AAGAB: variants seen among roughly 807,000 people sequenced by gnomAD.
The protein encoded by AAGAB is alpha and gamma adaptin binding protein, also known as alpha- and gamma-adaptin-binding protein p34.
AAGAB carries 38 observed loss-of-function variants against 44.1 expected under a neutral mutation model. The observed-to-expected ratio is 0.86, with a 90% CI of 0.67 to 1.13. The LOEUF (loss-of-function observed/expected upper bound fraction) is 1.13, where lower values mean the gene tolerates loss of function less well. Among genes scored for constraint, AAGAB ranks in the 50% most tolerant of loss-of-function variants. The pLI, the probability that AAGAB is intolerant of heterozygous loss-of-function variation, is 0.00. For synonymous variants in AAGAB, 131 were observed against 131.8 expected (o/e 0.99, Z 0.04); for missense variants, 450 against 373.8 (o/e 1.20, Z -1.68).
At chr15:67,251,960 C>T (rs1249045925) in intron 1 of AAGAB, among the ~76,000 whole-genome samples, 1 of 152,196 alleles carries the variant, frequency 6.6e-6, no homozygotes, top group African/African-American at 2.4e-5. Context: ...TTTCCTTATT[C>T]AAGTAATCTG....
intron 5 of AAGAB, among the ~76,000 whole-genome samples, chr15:67,222,242 G>GCGCGCACACACACACACACACA (rs1367738219): frequency 1.1e-5 from 1 of 90,128 alleles, no homozygotes; most frequent in African/African-American, 3.8e-5. Context: ...GCGCGCGCGC[G>GCGCGCACACACACACACACACA]CACACACACA....
rs542813950 is a variant in AAGAB at position 67,250,424 on chromosome 15, G to A, written c.73+4135C>T. 7.9e-5 allele frequency among the ~76,000 whole-genome samples: 12 copies of A among 152,232 alleles called. No individual in the cohort carries two copies. In the South Asian group the frequency reaches 2.5e-3, roughly 32 times the overall value. ...ACTCCTGACCTCAAGTGATTTGCCT[G>A]CCTTAACCTCCCAAAGTGCTGGGAT... On this transcript the variant is annotated intron_variant, in intron 1 of 9. Transcript: ENST00000261880.
intron 5 of AAGAB, among the ~76,000 whole-genome samples, chr15:67,222,273 CA>C (rs1964097722): frequency 2.6e-5 from 4 of 151,218 alleles, no homozygotes; most frequent in South Asian, 4.2e-4. Context: ...CACACACACA[CA>C]CACACACACC....
chr15:67,220,262 C>T (rs1238704552), intron 5 of AAGAB, among the ~76,000 whole-genome samples: 3 of 152,176 alleles, frequency 2.0e-5, no homozygotes, highest in Non-Finnish European at 2.9e-5. Flanking sequence ...CACACAGTCT[C>T]ATTAAAATCT....
At chr15:67,203,677 G>A (rs1441272814) in intron 8 of AAGAB, 80 bp from the exon 9 acceptor site, 3 of 1,257,788 alleles carry the variant, frequency 2.4e-6, no homozygotes, top group African/African-American at 3.0e-5. Context: ...TAGAAGATGG[G>A]AGACGGGTTT....
intron 5 of AAGAB, among the ~76,000 whole-genome samples, chr15:67,228,176 A>C (rs982746309): frequency 1.3e-5 from 2 of 152,386 alleles, no homozygotes; most frequent in Non-Finnish European, 2.9e-5. Context: ...TAGTTCTTTA[A>C]TATATGAACT....
At chr15:67,212,194 C>T (rs1238862422) in intron 5 of AAGAB, among the ~76,000 whole-genome samples, 1 of 152,128 alleles carries the variant, frequency 6.6e-6, no homozygotes, top group African/African-American at 2.4e-5. Context: ...ATGCTTAATT[C>T]TTTACAGTGG....
At position 67,200,766 on chromosome 15, in the gene AAGAB, G is replaced by T. The variant is rs192133201; in HGVS notation, c.*2055C>A. Among the ~76,000 whole-genome samples, 745 of 152,366 alleles carry T rather than the reference G, an allele frequency of 4.9e-3. 3 individuals carry two copies. Among genetic ancestry groups the T allele is most frequent in the Middle Eastern group, 0.01 (3 of 294 alleles). On this transcript the variant is annotated 3_prime_UTR_variant, in exon 10 of 10. Coordinates refer to ENST00000261880, the MANE Select transcript of AAGAB (RefSeq NM_024666.5). ...AGCTATTACTGTAGTGTTAGCTCAT[G>T]ATCACTATTCTAACATGGGCTTTTA...
chr15:67,236,847 G>A (rs751672668), intron 1 of AAGAB, 27 bp from the exon 2 acceptor site: 1 of 1,561,852 alleles, frequency 6.4e-7, no homozygotes, highest in Non-Finnish European at 8.7e-7. Context: ...ACATTACCAT[G>A]TAAAGTGCAA....
At chr15:67,234,608 A>C (rs1264165730) in intron 4 of AAGAB, among the ~76,000 whole-genome samples, 2 of 152,234 alleles carry the variant, frequency 1.3e-5, no homozygotes, top group South Asian at 4.1e-4. Flanking sequence ...CATATCAAAA[A>C]ACCCATTTTA....
intron 5 of AAGAB, among the ~76,000 whole-genome samples, chr15:67,230,902 G>C (rs1437074021): frequency 6.6e-6 from 1 of 152,064 alleles, no homozygotes; most frequent in African/African-American, 2.4e-5. Context: ...CACCTTCTTT[G>C]CATCAACCCC....
rs184569923 is a variant in AAGAB, at chr15:67,207,930, T to A, written c.715+632A>T. Among the ~76,000 whole-genome samples the A allele has an allele frequency of 1.9e-3, 282 of 152,022 alleles. 1 individual carries two copies. Among genetic ancestry groups the A allele is most frequent in the Admixed American group, 5.2e-3 (79 of 15,264 alleles). The stretch of plus-strand genomic sequence containing the variant: ...TGAATTATCTCATAAGAAAAAAGAG[T>A]TTTAAAAATTTATTACTGCACATGA... On this transcript the variant is annotated intron_variant, in intron 7 of 9. Coordinates refer to ENST00000261880, the MANE Select transcript of AAGAB (RefSeq NM_024666.5).
intron 5 of AAGAB, 21 bp downstream of exon 5, chr15:67,231,793 C>A (rs1216984698): frequency 6.3e-7 from 1 of 1,581,738 alleles, no homozygotes; most frequent in Admixed American, 1.7e-5. Context: ...AAAAAAATGA[C>A]TTGAGTCCCA....
At chr15:67,252,845 TGAAGG>T (rs1156665932) in intron 1 of AAGAB, among the ~76,000 whole-genome samples, 1 of 152,228 alleles carries the variant, frequency 6.6e-6, no homozygotes, top group East Asian at 1.9e-4. Context: ...ATATCTGCAC[TGAAGG>T]GACATCTTAC....
intron 7 of AAGAB, 53 bp downstream of exon 7, chr15:67,208,509 A>G: frequency 6.6e-7 from 1 of 1,506,512 alleles, no homozygotes; most frequent in East Asian, 2.3e-5. Flanking sequence ...CTGCCCAGAT[A>G]CCTATTCCAA....
At position 67,214,886 on chromosome 15, in the gene AAGAB, C is replaced by T. The variant is rs184245207; in HGVS notation, c.536-5342G>A. Reference sequence around the variant, plus strand: ...CAATCTCCTGACCTCGTGATCTGCCCGCCTTGGCCTCCCAAAGTGCTGGGA... The same window carrying T: ...CAATCTCCTGACCTCGTGATCTGCCTGCCTTGGCCTCCCAAAGTGCTGGGA... On this transcript the variant is annotated intron_variant, in intron 5 of 9. Coordinates refer to ENST00000261880, the MANE Select transcript of AAGAB (RefSeq NM_024666.5). Among the ~76,000 whole-genome samples, 60 of 151,964 alleles carry T rather than the reference C, an allele frequency of 3.9e-4. No individual in the cohort carries two copies. In the East Asian group the frequency reaches 8.1e-3, roughly 21 times the overall value.
At chr15:67,242,856 G>C (rs1964636011) in intron 1 of AAGAB, 1 of 152,128 alleles carries the variant, frequency 6.6e-6, no homozygotes, top group Non-Finnish European at 1.5e-5. Flanking sequence ...CTTGCTGAGG[G>C]AAGAGTAACT....
intron 1 of AAGAB, among the ~76,000 whole-genome samples, chr15:67,250,497 C>T (rs1185855972): frequency 2.6e-5 from 4 of 152,144 alleles, no homozygotes; most frequent in Non-Finnish European, 5.9e-5. Flanking sequence ...ACACTTTCTA[C>T]ATTCCTCTCA....
rs150076494 is a variant in AAGAB at position 67,234,665 on chromosome 15, C to T, written c.451+1314G>A. On this transcript the variant is annotated intron_variant, in intron 4 of 9. Coordinates refer to ENST00000261880, the MANE Select transcript of AAGAB (RefSeq NM_024666.5). ...AGAACATTATTCAGACAAAGGGCTA[C>T]GAGAAATAAAGTAGTATAAAGGAGC... Among the ~76,000 whole-genome samples the T allele has an allele frequency of 1.3e-4, 20 of 152,170 alleles. No individual in the cohort carries two copies. In the East Asian group the frequency reaches 2.7e-3, roughly 21 times the overall value.
Sources: allele counts gnomAD v4.1 joint callset (sites outside exome capture counted in the v4.1 genomes callset), GRCh38; gene constraint gnomAD v4.1.1; transcripts MANE v1.5; gene names NCBI Gene and HGNC (gene_info 2026-07-23, HGNC 2026-07-21).